The following RAPGEF4 variants were observed in gnomAD, a reference collection of about 807,000 sequenced individuals.
RAPGEF4 encodes the protein Rap guanine nucleotide exchange factor 4, also known as RAP guanine-nucleotide-exchange factor (GEF) 4.
A neutral mutation model predicts 147.9 loss-of-function variants in RAPGEF4; 66 were observed. That is an observed-to-expected ratio of 0.45 (90% CI 0.37 to 0.55). RAPGEF4 has a LOEUF of 0.55. Ranked by LOEUF, RAPGEF4 falls within the 20% of genes least tolerant of loss-of-function variation. RAPGEF4 has a pLI of 0.00. For missense variants in RAPGEF4, 1,071 were observed against 1,257.3 expected (o/e 0.85, Z 2.24); for synonymous variants, 419 against 442.7 (o/e 0.95, Z 0.67).
chr2:172,915,207 C>T (rs1372357471), intron 4 of RAPGEF4, among the ~76,000 whole-genome samples: 1 of 152,094 alleles, frequency 6.6e-6, no homozygotes, highest in African/African-American at 2.4e-5. Flanking sequence ...ATGCTGGAAC[C>T]CATGTTGTCT....
At chr2:173,017,243 T>C (rs1182067862) in intron 20 of RAPGEF4, 39 bp downstream of exon 20, 6 of 1,592,176 alleles carry the variant, frequency 3.8e-6, no homozygotes, top group Non-Finnish European at 4.3e-6. Flanking sequence ...CTGTGTCCTG[T>C]AGAATTACAA....
chr2:173,045,815 A>C (rs1685399929), intron 29 of RAPGEF4, among the ~76,000 whole-genome samples: 1 of 152,364 alleles, frequency 6.6e-6, no homozygotes, highest in East Asian at 1.9e-4. Flanking sequence ...GTTTATAGGC[A>C]GGCTGTAGAA....
Position 172,814,336 on chromosome 2 carries a change from G to A in RAPGEF4, c.355G>A (p.Asp119Asn). 6.2e-7 allele frequency: 1 copy of A among 1,614,134 alleles called. No homozygotes were observed. ...GACGGCCTTTGGAGAGTCCATTCTG[G>A]ACAACACACCCCGCCATGCAACCAT... is the stretch of plus-strand genomic sequence containing the variant. ...IGTAFGESIL[D>N]NTPRHATIVT... Residue 119 changes from aspartate (D) to asparagine (N), a missense_variant, in exon 4 of 31, where the codon GAC (aspartate) becomes AAC (asparagine). Physicochemically the swap from Asp to Asn is conservative, Grantham distance 23 (BLOSUM62 1). Transcript: ENST00000397081.
intron 1 of RAPGEF4, among the ~76,000 whole-genome samples, chr2:172,774,723 C>G (rs1401053228): frequency 6.6e-6 from 1 of 152,130 alleles, no homozygotes; most frequent in African/African-American, 2.4e-5. Context: ...CTGCTTTTAT[C>G]CTTGCATTGC....
chr2:172,966,530 C>T (rs1689860485), intron 9 of RAPGEF4, among the ~76,000 whole-genome samples: 1 of 152,126 alleles, frequency 6.6e-6, no homozygotes, highest in African/African-American at 2.4e-5. Flanking sequence ...CTTGTCTTTA[C>T]CTTTTGAGAG....
intron 17 of RAPGEF4, 55 bp from the exon 18 acceptor site, chr2:173,014,409 G>A: frequency 1.9e-6 from 3 of 1,606,334 alleles, no homozygotes; most frequent in South Asian, 1.1e-5. Flanking sequence ...ACCTTTGAAA[G>A]TAGCATGTGA....
At chr2:172,916,065 G>A (rs560785800) in intron 4 of RAPGEF4, among the ~76,000 whole-genome samples, 1 of 152,254 alleles carries the variant, frequency 6.6e-6, no homozygotes, top group East Asian at 1.9e-4. Flanking sequence ...ACACACTCCT[G>A]CCCACAGGGC....
At chr2:172,785,161 G>C (rs1397158623) in intron 1 of RAPGEF4, among the ~76,000 whole-genome samples, 1 of 152,172 alleles carries the variant, frequency 6.6e-6, no homozygotes, top group Admixed American at 6.5e-5. Context: ...ATCTAACAGG[G>C]CTGCAATGAT....
At chr2:172,943,140 T>C (rs989846614) in intron 6 of RAPGEF4, among the ~76,000 whole-genome samples, 1 of 152,126 alleles carries the variant, frequency 6.6e-6, no homozygotes, top group Non-Finnish European at 1.5e-5. Context: ...GCGTTTGGCA[T>C]ATTTGAGAAG....
At chr2:172,823,085 G>A (rs1232409860) in intron 4 of RAPGEF4, among the ~76,000 whole-genome samples, 2 of 152,196 alleles carry the variant, frequency 1.3e-5, no homozygotes, top group Non-Finnish European at 2.9e-5. Context: ...CTAAAGGACA[G>A]GGGCAGAGCA....
At chr2:172,877,717 C>T (rs1435161962) in intron 4 of RAPGEF4, among the ~76,000 whole-genome samples, 2 of 152,040 alleles carry the variant, frequency 1.3e-5, no homozygotes, top group Admixed American at 6.6e-5. Context: ...GCCCTTGCTG[C>T]CTGTATTCTG....
At chr2:172,772,777 T>A (rs1399497543) in intron 1 of RAPGEF4, among the ~76,000 whole-genome samples, 1 of 152,278 alleles carries the variant, frequency 6.6e-6, no homozygotes, top group African/African-American at 2.4e-5. Context: ...CAGATGTGGT[T>A]GCTGTGCTAA....
intron 4 of RAPGEF4, chr2:172,894,331 T>G (rs1698252224): frequency 6.6e-6 from 1 of 152,252 alleles, no homozygotes; most frequent in Non-Finnish European, 1.5e-5. Flanking sequence ...TAGAAACAGT[T>G]GTATGCTCTC....
intron 2 of RAPGEF4, among the ~76,000 whole-genome samples, chr2:172,796,810 G>A (rs1204600681): frequency 1.3e-5 from 2 of 152,204 alleles, no homozygotes; most frequent in Non-Finnish European, 2.9e-5. Context: ...TAAGTGTGAA[G>A]AGGATTTTAA....
At chr2:172,935,236 G>GGGA (rs1378487923) in intron 6 of RAPGEF4, among the ~76,000 whole-genome samples, 1 of 152,202 alleles carries the variant, frequency 6.6e-6, no homozygotes, top group Non-Finnish European at 1.5e-5. Flanking sequence ...TTGGGCTGAT[G>GGGA]GGAGCCGAGG....
intron 15 of RAPGEF4, among the ~76,000 whole-genome samples, chr2:172,995,523 G>A (rs545902754): frequency 3.9e-5 from 6 of 152,112 alleles, no homozygotes; most frequent in African/African-American, 1.2e-4. Flanking sequence ...CAGGCAATCC[G>A]CCCGCCTCGG....
At chr2:172,918,031 A>T (rs776307929) in intron 5 of RAPGEF4, 157 bp downstream of exon 5, 2 of 771,060 alleles carry the variant, frequency 2.6e-6, no homozygotes, top group East Asian at 4.9e-5. Context: ...AGATATTTTT[A>T]AAGAAATGGT....
intron 4 of RAPGEF4, chr2:172,821,478 GA>G (rs1366590545): frequency 1.3e-6 from 1 of 749,390 alleles, no homozygotes; most frequent in Non-Finnish European, 1.6e-6. Context: ...AAAGGACTAA[GA>G]AAAATATATC....
intron 4 of RAPGEF4, among the ~76,000 whole-genome samples, chr2:172,916,238 A>C (rs1340552612): frequency 6.6e-6 from 1 of 152,186 alleles, no homozygotes; most frequent in Non-Finnish European, 1.5e-5. Flanking sequence ...AAGGTGCCTG[A>C]GACAAAGAAC....
Sources: allele counts gnomAD v4.1 joint callset (sites outside exome capture counted in the v4.1 genomes callset), GRCh38; gene constraint gnomAD v4.1.1; transcripts MANE v1.5; gene names NCBI Gene and HGNC (gene_info 2026-07-23, HGNC 2026-07-21).